Variants in P2RX3 observed in about 807,000 individuals in gnomAD.
P2RX3 encodes purinergic receptor P2X 3.
Under a neutral mutation model 51.5 loss-of-function variants are expected in P2RX3, and 41 were observed. The ratio of observed to expected loss-of-function variants is 0.80; its 90% confidence interval spans 0.62 to 1.03. The LOEUF (loss-of-function observed/expected upper bound fraction) is 1.03. P2RX3 is among the 50% of genes least tolerant of loss of function. The probability of loss-of-function intolerance (pLI) is 0.00; values close to 1 mark genes in which losing one functional copy is unlikely to be tolerated. For missense variants in P2RX3, 459 were observed against 522.1 expected, an observed-to-expected ratio of 0.88 and a Z score of 1.18; for synonymous variants, 185 against 191.6, an observed-to-expected ratio of 0.97 and a Z score of 0.29.
chr11:57,362,441 G>GC (rs1431605428), intron 8 of P2RX3, among the ~76,000 whole-genome samples: 1 of 152,192 alleles, frequency 6.6e-6, no homozygotes, highest in African/African-American at 2.4e-5. Flanking sequence ...ATGTAGCTGA[G>GC]CCATTCCCCT....
rs549611211 is a variant in P2RX3, at chr11:57,339,134, G to A, written c.119+465G>A. 3.9e-5 allele frequency among the ~76,000 whole-genome samples: 6 copies of A among 152,332 alleles called. No homozygotes were observed. In the East Asian group the frequency reaches 1.2e-3, roughly 29 times the overall value. On this transcript the variant is annotated intron_variant, in intron 1 of 11. Coordinates refer to ENST00000263314, the MANE Select transcript of P2RX3 (RefSeq NM_002559.5). ...TGAGACAAGGGGGTGGTGGCAGGTT[G>A]ATCAAGTTGGTGGCCGGGAGGGAAA...
intron 8 of P2RX3, among the ~76,000 whole-genome samples, chr11:57,362,060 G>C (rs1856728430): frequency 6.6e-6 from 1 of 152,222 alleles, no homozygotes; most frequent in Non-Finnish European, 1.5e-5. Context: ...GCACAGAGCA[G>C]GTGTGCTCCA....
intron 1 of P2RX3, among the ~76,000 whole-genome samples, chr11:57,343,404 T>C (rs1856377328): frequency 6.6e-6 from 1 of 152,202 alleles, no homozygotes; most frequent in East Asian, 1.9e-4. Flanking sequence ...GGGGCCAGCA[T>C]GGCCTGGCTT....
chr11:57,365,111 C>G (rs1376911942), intron 8 of P2RX3, among the ~76,000 whole-genome samples: 1 of 152,190 alleles, frequency 6.6e-6, no homozygotes, highest in Non-Finnish European at 1.5e-5. Context: ...CACCCATTCT[C>G]CAGTGCTCCC....
intron 8 of P2RX3, among the ~76,000 whole-genome samples, chr11:57,351,771 C>T (rs181661768): frequency 2.0e-4 from 31 of 152,244 alleles, no homozygotes; most frequent in Non-Finnish European, 3.1e-4. Flanking sequence ...TGCTGAGGAC[C>T]GTACTCAGTT....
intron 2 of P2RX3, 54 bp downstream of exon 2, chr11:57,346,733 G>A: frequency 6.3e-7 from 1 of 1,597,768 alleles, no homozygotes; most frequent in Non-Finnish European, 8.5e-7. Flanking sequence ...TGGGCAGGTT[G>A]GAAGGGAGAA....
chr11:57,349,245 G>A (rs1436183636), intron 6 of P2RX3, among the ~76,000 whole-genome samples: 2 of 150,778 alleles, frequency 1.3e-5, no homozygotes, highest in African/African-American at 4.9e-5. Flanking sequence ...GGTGGATCAC[G>A]AGGTCAGGAG....
At position 57,369,388 on chromosome 11, in the gene P2RX3, C is replaced by T; in HGVS notation, c.1030C>T (p.Leu344Phe). 1 of 1,610,962 alleles carries T rather than the reference C, an allele frequency of 6.2e-7. No homozygotes were observed. The highest frequency in any genetic ancestry group is 8.5e-7 in the Non-Finnish European group (1 of 1,178,744). Residue 344 changes from leucine to phenylalanine, a missense_variant, in exon 11 of 12, where the codon CTC (leucine) becomes TTC (phenylalanine). By Grantham distance (22) the Leu-to-Phe change is conservative (BLOSUM62 0). Transcript: ENST00000263314. ...VGTVLCDIIL[L>F]NFLKGADQYK... is the part of the protein sequence containing the mutation. ...AACTGTTCTCTGTGACATCATCCTG[C>T]TCAACTTCCTCAAGGGGGCCGACCA...
chr11:57,338,238 G>A (rs1324803086), upstream of P2RX3: 2 of 222,916 alleles, frequency 9.0e-6, no homozygotes, highest in Non-Finnish European at 1.8e-5. Context: ...GAGGGCTCCA[G>A]CCAGCTACAT....
chr11:57,368,424 C>T lies in P2RX3; in HGVS notation c.989C>T (p.Thr330Ile), dbSNP rs1856830368. The T allele has an allele frequency of 6.2e-7, 1 of 1,614,058 alleles. No individual in the cohort carries two copies. The highest frequency in any genetic ancestry group is 8.5e-7 in the Non-Finnish European group (1 of 1,180,044). ...PTIISSVAAF[T>I]SVGVGTVLCD... ...ATCATCAGCTCTGTGGCGGCCTTTA[C>T]TTCTGTGGGAGTGGTGAGTTCAGCC... Residue 330 changes from threonine to isoleucine, a missense_variant, in exon 10 of 12, where the codon ACT (threonine) becomes ATT (isoleucine). Physicochemically the swap from Thr to Ile is moderately conservative, Grantham distance 89. Transcript: ENST00000263314.
rs532633472 is a variant in P2RX3 at position 57,340,099 on chromosome 11, T to C, written c.119+1430T>C. Among the ~76,000 whole-genome samples the C allele has an allele frequency of 2.6e-5, 4 of 152,354 alleles. No individual in the cohort carries two copies. The South Asian group carries it at 6.2e-4, about 24-fold the overall frequency. On this transcript the variant is annotated intron_variant, in intron 1 of 11. Coordinates refer to ENST00000263314, the MANE Select transcript of P2RX3 (RefSeq NM_002559.5). ...TGCATCTCTAGAGCTTGGCTCAAAG[T>C]TGGTTCCTAAATGTTCTGTGTTCAC...
At chr11:57,362,708 G>A (rs1364070599) in intron 8 of P2RX3, among the ~76,000 whole-genome samples, 1 of 152,220 alleles carries the variant, frequency 6.6e-6, no homozygotes, top group Non-Finnish European at 1.5e-5. Flanking sequence ...CTCACTGTTG[G>A]TTTTGTGACC....
chr11:57,371,501 T>C lies in P2RX3; in HGVS notation c.*1504T>C, dbSNP rs769004010. Among the ~76,000 whole-genome samples the C allele has an allele frequency of 4.6e-4, 70 of 152,190 alleles. No homozygotes were observed. Among genetic ancestry groups the C allele is most frequent in the Non-Finnish European group, 1.6e-4 (11 of 67,998 alleles). On this transcript the variant is annotated 3_prime_UTR_variant, in exon 12 of 12. Transcript: ENST00000263314. ...GCCCCTCAACACACGGCACAGGAAGTGGGGAAGGGACAGCTTCAGGAGTAG... is the reference window on the plus strand; with the variant it reads ...GCCCCTCAACACACGGCACAGGAAGCGGGGAAGGGACAGCTTCAGGAGTAG...
At position 57,348,617 on chromosome 11, in the gene P2RX3, T is replaced by A; in HGVS notation, c.486-10T>A. On this transcript the variant is annotated splice_polypyrimidine_tract_variant and intron_variant, in intron 5 of 11. Coordinates refer to ENST00000263314, the MANE Select transcript of P2RX3 (RefSeq NM_002559.5). ...CCTGGAAAGCTAAGGCCTCCTGTGC[T>A]CACCCACAGGCCCATCATGATGGAA... 1 of 1,610,152 alleles carries A rather than the reference T, an allele frequency of 6.2e-7. No homozygotes were observed. Among genetic ancestry groups the A allele is most frequent in the African/African-American group, 1.3e-5 (1 of 74,956 alleles).
At chr11:57,364,660 T>C (rs1370532138) in intron 8 of P2RX3, among the ~76,000 whole-genome samples, 1 of 152,228 alleles carries the variant, frequency 6.6e-6, no homozygotes, top group Non-Finnish European at 1.5e-5. Flanking sequence ...GTCATCTTTA[T>C]AGAAATGACG....
upstream of P2RX3, chr11:57,338,332 G>T: frequency 2.6e-6 from 1 of 391,692 alleles, no homozygotes; most frequent in East Asian, 3.7e-5. Context: ...AACAAAAAGG[G>T]GGTCCCCCGC....
At chr11:57,362,034 C>A (rs1159953569) in intron 8 of P2RX3, among the ~76,000 whole-genome samples, 1 of 152,152 alleles carries the variant, frequency 6.6e-6, no homozygotes. Flanking sequence ...ATCAGCAGTA[C>A]CTAGAACAGT....
intron 1 of P2RX3, among the ~76,000 whole-genome samples, chr11:57,342,183 G>A (rs528165404): frequency 7.3e-5 from 10 of 137,302 alleles, no homozygotes; most frequent in African/African-American, 1.4e-4. Context: ...TTTTTGAGAC[G>A]GAGCCTTGCT....
chr11:57,338,736 C>A, intron 1 of P2RX3, 67 bp downstream of exon 1: 1 of 1,062,206 alleles, frequency 9.4e-7, no homozygotes, highest in Non-Finnish European at 1.4e-6. Context: ...CACCCTCCTG[C>A]CTCGGTGCTA....
Sources: gnomAD v4.1 joint callset for allele counts (sites outside exome capture counted in the v4.1 genomes callset) on GRCh38, gnomAD v4.1.1 for gene constraint, MANE v1.5 for transcripts, NCBI Gene and HGNC (gene_info 2026-07-23, HGNC 2026-07-21) for gene names.